Variants in TMEM260 observed in about 807,000 individuals in gnomAD.
TMEM260 encodes the protein transmembrane protein 260.
A neutral mutation model predicts 88.9 loss-of-function variants in TMEM260; 82 were observed. That is an observed-to-expected ratio of 0.92 (90% CI 0.77 to 1.11). The LOEUF (loss-of-function observed/expected upper bound fraction) is 1.11, where lower values mean the gene tolerates loss of function less well. TMEM260 is among the 50% of genes least tolerant of loss of function. TMEM260 has a pLI of 0.00. For missense variants in TMEM260, 902 were observed against 853.4 expected, an observed-to-expected ratio of 1.06 and a Z score of -0.71; for synonymous variants, 314 against 309.3, an observed-to-expected ratio of 1.02 and a Z score of -0.16.
intron 15 of TMEM260, among the ~76,000 whole-genome samples, chr14:56,641,931 G>C (rs189403491): frequency 6.6e-6 from 1 of 152,324 alleles, no homozygotes; most frequent in African/African-American, 2.4e-5. Flanking sequence ...TTACATAATA[G>C]TAAAGGGATC....
In TMEM260 at chr14:56,599,620, GTCT is replaced by G. The variant is rs1488454164; in HGVS notation, c.345-4190_345-4188del. Among the ~76,000 whole-genome samples the G allele has an allele frequency of 7.9e-5, 12 of 152,282 alleles. No homozygotes were observed. The South Asian group carries it at 2.1e-3, about 26-fold the overall frequency. ...AAAAAAAATTTGTATTAGCAGAGGA[GTCT>G]TCTTATACATGTAGCTCTGATAAAC... On this transcript the variant is annotated intron_variant, in intron 3 of 15. Coordinates refer to ENST00000261556, the MANE Select transcript of TMEM260 (RefSeq NM_017799.4).
intron 9 of TMEM260, among the ~76,000 whole-genome samples, chr14:56,617,758 T>C (rs1215328032): frequency 6.6e-6 from 1 of 152,130 alleles, no homozygotes; most frequent in African/African-American, 2.4e-5. Flanking sequence ...TACAATAGAT[T>C]CTCTGTAAAT....
chr14:56,579,645 G>A (rs1884961645), upstream of TMEM260: 9 of 371,954 alleles, frequency 2.4e-5, no homozygotes, highest in East Asian at 3.1e-4. Context: ...TGCTCTCCTG[G>A]TGATTAGGAA....
chr14:56,583,714 A>G (rs915752763), intron 1 of TMEM260, among the ~76,000 whole-genome samples: 1 of 152,110 alleles, frequency 6.6e-6, no homozygotes, highest in Non-Finnish European at 1.5e-5. Context: ...GAAGGTGGCA[A>G]TTGAACTTGG....
intron 4 of TMEM260, 91 bp downstream of exon 4, chr14:56,604,083 C>G: frequency 7.9e-7 from 1 of 1,262,796 alleles, no homozygotes; most frequent in Non-Finnish European, 1.1e-6. Flanking sequence ...TACCTTTTAT[C>G]TATTCTGATT....
intron 9 of TMEM260, among the ~76,000 whole-genome samples, chr14:56,618,284 A>G (rs1452647375): frequency 1.3e-5 from 2 of 152,244 alleles, no homozygotes; most frequent in African/African-American, 2.4e-5. Context: ...AAACATCAGG[A>G]GTAAAGCAAA....
intron 5 of TMEM260, among the ~76,000 whole-genome samples, chr14:56,606,725 C>G (rs1036669024): frequency 6.6e-6 from 1 of 151,996 alleles, no homozygotes; most frequent in Non-Finnish European, 1.5e-5. Flanking sequence ...AAGTCTGTCT[C>G]TACTAAAAAT....
At chr14:56,586,052 C>T in intron 3 of TMEM260, 140 bp downstream of exon 3, 1 of 915,514 alleles carries the variant, frequency 1.1e-6, no homozygotes, top group Non-Finnish European at 1.6e-6. Flanking sequence ...ATTTATAATA[C>T]TTTCATATGC....
At chr14:56,589,456 C>G (rs1295107159) in intron 3 of TMEM260, among the ~76,000 whole-genome samples, 4 of 151,982 alleles carry the variant, frequency 2.6e-5, no homozygotes, top group Non-Finnish European at 5.9e-5. Flanking sequence ...GAAAGTAATA[C>G]AAAGTTACTA....
chr14:56,592,602 A>G (rs1372656610), intron 3 of TMEM260, among the ~76,000 whole-genome samples: 1 of 152,206 alleles, frequency 6.6e-6, no homozygotes, highest in African/African-American at 2.4e-5. Flanking sequence ...GGGAACTTTT[A>G]TATCATTTTC....
intron 3 of TMEM260, among the ~76,000 whole-genome samples, chr14:56,588,211 C>T (rs949272883): frequency 1.3e-5 from 2 of 152,062 alleles, no homozygotes; most frequent in Non-Finnish European, 2.9e-5. Context: ...TCCCCCATCA[C>T]TTAAGAGACC....
chr14:56,646,855 T>G (rs1889999158), intron 15 of TMEM260, among the ~76,000 whole-genome samples: 1 of 132,796 alleles, frequency 7.5e-6, no homozygotes, highest in Admixed American at 7.3e-5. Flanking sequence ...GAAAGCTGTT[T>G]TTTTTTTTTG....
At chr14:56,618,837 A>T in intron 10 of TMEM260, 74 bp downstream of exon 10, 1 of 1,404,030 alleles carries the variant, frequency 7.1e-7, no homozygotes, top group Non-Finnish European at 9.8e-7. Context: ...CTAACACTTT[A>T]TTTCATTGTT....
chr14:56,588,457 A>G (rs1451841737), intron 3 of TMEM260, among the ~76,000 whole-genome samples: 1 of 152,092 alleles, frequency 6.6e-6, no homozygotes, highest in Non-Finnish European at 1.5e-5. Flanking sequence ...TTAGATTGAA[A>G]GACCAATTTA....
At chr14:56,596,406 G>GTGTGTGTGTGTGTGTGTGTGTGTA (rs1290307932) in intron 3 of TMEM260, among the ~76,000 whole-genome samples, 2 of 111,320 alleles carry the variant, frequency 1.8e-5, no homozygotes, top group African/African-American at 6.2e-5. Context: ...GTGTGTGTGT[G>GTGTGTGTGTGTGTGTGTGTGTGTA]TATATATATA....
chr14:56,581,619 G>A (rs1409562207), intron 1 of TMEM260, among the ~76,000 whole-genome samples: 4 of 152,164 alleles, frequency 2.6e-5, no homozygotes, highest in African/African-American at 9.7e-5. Context: ...CGTTTGTTGG[G>A]CACTTACTAT....
intron 5 of TMEM260, among the ~76,000 whole-genome samples, chr14:56,608,484 G>A (rs528726653): frequency 5.3e-5 from 8 of 152,094 alleles, no homozygotes; most frequent in Non-Finnish European, 1.0e-4. Context: ...CAAATAAGGT[G>A]TATGAAGCAG....
chr14:56,605,715 A>C lies in TMEM260; in HGVS notation c.636+32A>C, dbSNP rs920583726. On this transcript the variant is annotated intron_variant, in intron 5 of 15. Transcript: ENST00000261556. ...TTTTGAATTTTGTAAAAAAAAGTACAATATTTTACTTAGGTCTAATATAAC... is the reference window on the plus strand; with the variant it reads ...TTTTGAATTTTGTAAAAAAAAGTACCATATTTTACTTAGGTCTAATATAAC... 3.1e-6 allele frequency: 4 copies of C among 1,299,616 alleles called. No individual in the cohort carries two copies. The Admixed American group carries it at 8.5e-5, about 28-fold the overall frequency. The allele number at this position is 1,299,616 out of a possible 1,614,324, so 80.5% of individuals were successfully genotyped here. A position where few individuals can be genotyped will look rare whatever the true frequency, so the allele number is the denominator to read the frequency against.
rs1325473048 is a variant in TMEM260 at position 56,625,529 on chromosome 14, CA to C, written c.1547del (p.Glu518LysfsTer6). On this transcript the variant is annotated frameshift_variant and splice_region_variant, in exon 12 of 16. Coordinates refer to ENST00000261556, the MANE Select transcript of TMEM260 (RefSeq NM_017799.4). LOFTEE classifies it high-confidence loss of function. Reference sequence around the variant, plus strand: ...TTATCATTTTCTTGAAGTAAATAAACAGTAAGCATTCTTTTTATATAATAGC... The same window carrying C: ...TTATCATTTTCTTGAAGTAAATAAACGTAAGCATTCTTTTTATATAATAGC... ...NLYHFLEVNK[Q>X]KETFVCIGIH... The C allele has an allele frequency of 6.3e-7, 1 of 1,580,874 alleles. No homozygotes were observed. Among genetic ancestry groups the C allele is most frequent in the African/African-American group, 1.4e-5 (1 of 73,850 alleles).
Sources: allele counts gnomAD v4.1 joint callset (sites outside exome capture counted in the v4.1 genomes callset), GRCh38; gene constraint gnomAD v4.1.1; transcripts MANE v1.5; gene names NCBI Gene and HGNC (gene_info 2026-07-23, HGNC 2026-07-21).